DPP6: variants seen among roughly 807,000 people sequenced by gnomAD.
DPP6 encodes the protein A-type potassium channel modulatory protein DPP6.
A neutral mutation model predicts 122.6 loss-of-function variants in DPP6; 69 were observed. The ratio of observed to expected loss-of-function variants is 0.56; its 90% CI spans 0.46 to 0.69. The LOEUF (loss-of-function observed/expected upper bound fraction) is 0.69. Ranked by LOEUF, DPP6 falls within the 30% of genes least tolerant of loss-of-function variation. The pLI, the probability that DPP6 is intolerant of heterozygous loss-of-function variation, is 0.00. For synonymous variants in DPP6, 418 were observed against 433.1 expected, an observed-to-expected ratio of 0.97 and a Z score of 0.43; for missense variants, 928 against 1,116.9, an observed-to-expected ratio of 0.83 and a Z score of 2.41.
chr7:154,208,239 A>C (rs1415128168), intron 1 of DPP6, among the ~76,000 whole-genome samples: 1 of 152,252 alleles, frequency 6.6e-6, no homozygotes, highest in Non-Finnish European at 1.5e-5. Context: ...GGAATGCCTC[A>C]TAGCATTTAC....
chr7:154,155,401 TC>T, intron 1 of DPP6, among the ~76,000 whole-genome samples: 1 of 152,242 alleles, frequency 6.6e-6, no homozygotes, highest in Admixed American at 6.5e-5. Context: ...TAAACAAGCA[TC>T]CCTCCCTGCA....
chr7:154,606,333 A>G (rs1833586785), intron 5 of DPP6, among the ~76,000 whole-genome samples: 1 of 120,780 alleles, frequency 8.3e-6, no homozygotes, highest in Non-Finnish European at 1.9e-5. Context: ...CTTCCTGATC[A>G]ATTATTTCTT....
At chr7:154,203,801 C>T (rs1028386884) in intron 1 of DPP6, among the ~76,000 whole-genome samples, 9 of 152,206 alleles carry the variant, frequency 5.9e-5, no homozygotes, top group Admixed American at 5.9e-4. Flanking sequence ...GTCCAAACTG[C>T]AGCTCACACC....
intron 1 of DPP6, among the ~76,000 whole-genome samples, chr7:154,044,353 A>G: frequency 6.6e-6 from 1 of 152,152 alleles, no homozygotes; most frequent in Non-Finnish European, 1.5e-5. Context: ...CAAGAAGCAG[A>G]TACATGGTTT....
At chr7:153,789,144 T>C in the DPP6 span, among the ~76,000 whole-genome samples, 1,303 of 152,258 alleles carry the variant, frequency 8.6e-3, 16 homozygotes, top group African/African-American at 0.029. Flanking sequence ...TGGAAGATGA[T>C]GTTGTGTCCA....
chr7:154,801,166 AGAAAACGTAACAGTTGACTCAT>A (rs1798340653), intron 12 of DPP6, among the ~76,000 whole-genome samples, 167 bp from the exon 13 acceptor site: 1 of 152,112 alleles, frequency 6.6e-6, no homozygotes, highest in African/African-American at 2.4e-5. Flanking sequence ...TTCTTCTTTT[AGAAAACGTAACAGTTGACTCAT>A]GATTCCCGAG....
chr7:153,827,815 G>T, the DPP6 span, among the ~76,000 whole-genome samples: 1 of 152,162 alleles, frequency 6.6e-6, no homozygotes, highest in Admixed American at 6.5e-5. Flanking sequence ...CACACAGTCA[G>T]GGGCTGCGCT....
rs182440859 is a variant in DPP6 at position 154,251,865 on chromosome 7, C to T, written c.244-194349C>T. Among the ~76,000 whole-genome samples, 413 of 152,288 alleles carry T rather than the reference C, an allele frequency of 2.7e-3. 1 individual carries two copies. Among genetic ancestry groups the T allele is most frequent in the African/African-American group, 9.3e-3 (388 of 41,552 alleles). On this transcript the variant is annotated intron_variant, in intron 1 of 25. Transcript: ENST00000377770. Reference sequence around the variant, plus strand: ...ACCCACATTGAGGGTGGGTCTACCTCTCCCAGTCCACTGACTCAAATGTTA... The same window carrying T: ...ACCCACATTGAGGGTGGGTCTACCTTTCCCAGTCCACTGACTCAAATGTTA...
intron 7 of DPP6, among the ~76,000 whole-genome samples, chr7:154,681,355 T>C (rs1839268870): frequency 6.6e-6 from 1 of 152,224 alleles, no homozygotes; most frequent in African/African-American, 2.4e-5. Context: ...TTCAAGATCA[T>C]TTATCAAATA....
chr7:154,289,286 G>A (rs1805052288), intron 1 of DPP6, among the ~76,000 whole-genome samples: 1 of 152,196 alleles, frequency 6.6e-6, no homozygotes, highest in African/African-American at 2.4e-5. Flanking sequence ...TCCCAGGGTT[G>A]CGTGGGATCC....
the DPP6 span, among the ~76,000 whole-genome samples, chr7:153,851,742 T>C: frequency 1.1e-4 from 17 of 152,312 alleles, 1 homozygote; most frequent in Admixed American, 9.8e-4. Context: ...CATCTTTATT[T>C]GCTTTTTCTA....
chr7:154,405,827 C>G, intron 1 of DPP6, among the ~76,000 whole-genome samples: 1 of 152,166 alleles, frequency 6.6e-6, no homozygotes, highest in South Asian at 2.1e-4. Context: ...TTTCCTTTTA[C>G]CTGCCAAAGA....
intron 2 of DPP6, among the ~76,000 whole-genome samples, chr7:154,473,023 G>GT (rs960052925): frequency 6.6e-6 from 1 of 152,098 alleles, no homozygotes; most frequent in Non-Finnish European, 1.5e-5. Flanking sequence ...AGTCTTACAT[G>GT]TTTTTTCTTA....
chr7:154,818,889 C>A (rs1230401133), intron 16 of DPP6, among the ~76,000 whole-genome samples: 1 of 152,186 alleles, frequency 6.6e-6, no homozygotes, highest in Non-Finnish European at 1.5e-5. Context: ...GACATGAATA[C>A]TCTGGAACAT....
At chr7:154,026,347 C>T (rs1272137678) in intron 1 of DPP6, 1 of 151,570 alleles carries the variant, frequency 6.6e-6, no homozygotes, top group Non-Finnish European at 1.5e-5. Context: ...AACTCATATC[C>T]TTTTGCTGTA....
intron 16 of DPP6, among the ~76,000 whole-genome samples, chr7:154,846,819 C>T (rs1801978568): frequency 1.3e-5 from 2 of 152,178 alleles, no homozygotes; most frequent in Non-Finnish European, 2.9e-5. Context: ...AAATTATTTA[C>T]ATCATTGTAT....
chr7:153,906,021 G>C (rs1212030839), intron 1 of DPP6, among the ~76,000 whole-genome samples: 5 of 152,176 alleles, frequency 3.3e-5, no homozygotes, highest in East Asian at 1.9e-4. Flanking sequence ...TGTTACACAG[G>C]TATTTTTCTT....
intron 1 of DPP6, among the ~76,000 whole-genome samples, chr7:153,893,310 T>C (rs1274370838): frequency 2.0e-5 from 3 of 152,248 alleles, no homozygotes; most frequent in Admixed American, 2.0e-4. Context: ...TACTGCTAAC[T>C]TGATCATCAT....
At chr7:154,684,062 G>T (rs567843813) in intron 7 of DPP6, among the ~76,000 whole-genome samples, 2 of 152,096 alleles carry the variant, frequency 1.3e-5, no homozygotes, top group African/African-American at 4.8e-5. Flanking sequence ...AGAGATGGGG[G>T]TCTCACTGTG....
Sources: gnomAD v4.1 joint callset for allele counts (sites outside exome capture counted in the v4.1 genomes callset) on GRCh38, gnomAD v4.1.1 for gene constraint, MANE v1.5 for transcripts, NCBI Gene and HGNC (gene_info 2026-07-23, HGNC 2026-07-21) for gene names.